The following MAF variants were observed in gnomAD, a reference collection of about 807,000 sequenced individuals.
MAF encodes the protein MAF bZIP transcription factor.
MAF carries 10 observed loss-of-function variants against 22.0 expected under a neutral mutation model. The ratio of observed to expected loss-of-function variants is 0.45; its 90% confidence interval spans 0.28 to 0.77. The LOEUF is 0.77. Ranked by LOEUF, MAF falls within the 30% of genes least tolerant of loss-of-function variation. MAF has a pLI of 0.12. For synonymous variants in MAF, 337 were observed against 255.8 expected (o/e 1.32, Z -3.03); for missense variants, 544 against 548.4 (o/e 0.99, Z 0.08).
chr16:79,252,680 G>A, the MAF span, among the ~76,000 whole-genome samples: 16 of 152,130 alleles, frequency 1.1e-4, no homozygotes, highest in East Asian at 2.9e-3. Flanking sequence ...AGTAGAGACA[G>A]GGTTTCACCA....
At chr16:79,328,468 G>A in the MAF span, among the ~76,000 whole-genome samples, 16 of 152,164 alleles carry the variant, frequency 1.1e-4, no homozygotes, top group African/African-American at 3.1e-4. Context: ...GTCACAGGGT[G>A]GGGCCCTTGC....
chr16:79,212,762 C>T, the MAF span: 1 of 151,918 alleles, frequency 6.6e-6, no homozygotes, highest in Non-Finnish European at 1.5e-5. Flanking sequence ...AAATAAAGCG[C>T]TTCTAATAAA....
chr16:79,548,711 G>A, the MAF span, among the ~76,000 whole-genome samples: 150,536 of 152,198 alleles, frequency 0.99, 74,475 homozygotes, highest in Middle Eastern at 1. Flanking sequence ...CAGGGAGGCA[G>A]TGCCCATTGA....
chr16:79,301,808 C>T, the MAF span, among the ~76,000 whole-genome samples: 2 of 152,204 alleles, frequency 1.3e-5, no homozygotes, highest in South Asian at 4.1e-4. Context: ...AGGCTTTACA[C>T]ACTTGCTGTT....
chr16:79,366,977 G>A, the MAF span, among the ~76,000 whole-genome samples: 1 of 152,126 alleles, frequency 6.6e-6, no homozygotes, highest in Non-Finnish European at 1.5e-5. Context: ...AATATTAGTT[G>A]CCATTGTTGT....
the MAF span, among the ~76,000 whole-genome samples, chr16:79,303,008 T>C: frequency 1.3e-5 from 2 of 152,356 alleles, no homozygotes; most frequent in Non-Finnish European, 2.9e-5. Flanking sequence ...CTTCTGACGG[T>C]ACCTTCCATA....
At chr16:79,372,789 A>G in the MAF span, among the ~76,000 whole-genome samples, 2 of 152,068 alleles carry the variant, frequency 1.3e-5, no homozygotes, top group African/African-American at 4.8e-5. Context: ...AACCTCCCCC[A>G]CTGGCTTCTC....
the MAF span, among the ~76,000 whole-genome samples, chr16:79,324,945 C>T: frequency 6.6e-6 from 1 of 152,078 alleles, no homozygotes; most frequent in African/African-American, 2.4e-5. Flanking sequence ...TGGTTTCTGG[C>T]AATCATTGGT....
At chr16:79,416,499 CA>C in the MAF span, among the ~76,000 whole-genome samples, 243 of 139,934 alleles carry the variant, frequency 1.7e-3, no homozygotes, top group Non-Finnish European at 2.0e-3. Context: ...GGTTAAATTG[CA>C]AAAAAAAAAA....
At chr16:79,402,965 C>A in the MAF span, among the ~76,000 whole-genome samples, 4 of 152,134 alleles carry the variant, frequency 2.6e-5, no homozygotes, top group Non-Finnish European at 5.9e-5. Flanking sequence ...CTTGCCCACC[C>A]ATGGTTACCC....
the MAF span, among the ~76,000 whole-genome samples, chr16:79,397,587 G>C: frequency 3.3e-5 from 5 of 152,194 alleles, no homozygotes; most frequent in African/African-American, 1.2e-4. Context: ...GATGATGACC[G>C]GCTGGATGTA....
the MAF span, among the ~76,000 whole-genome samples, chr16:79,459,802 G>A: frequency 6.6e-6 from 1 of 152,154 alleles, no homozygotes; most frequent in Admixed American, 6.5e-5. Flanking sequence ...GGACTCAAGT[G>A]ATCTGCCTGC....
At chr16:79,563,298 T>C in the MAF span, among the ~76,000 whole-genome samples, 2 of 152,224 alleles carry the variant, frequency 1.3e-5, no homozygotes, top group Non-Finnish European at 2.9e-5. Context: ...ACACTGGCAA[T>C]GTGGCCAGTG....
the MAF span, among the ~76,000 whole-genome samples, chr16:79,520,875 G>A: frequency 2.0e-5 from 3 of 152,158 alleles, no homozygotes; most frequent in Admixed American, 6.5e-5. Context: ...CTGGGACCCT[G>A]CTAAGTGCTT....
chr16:79,317,723 C>T, the MAF span, among the ~76,000 whole-genome samples: 2 of 152,182 alleles, frequency 1.3e-5, no homozygotes, highest in Non-Finnish European at 2.9e-5. Flanking sequence ...GCTGTCCTTG[C>T]CCCACATTCC....
chr16:79,508,351 T>C, the MAF span, among the ~76,000 whole-genome samples: 15 of 152,108 alleles, frequency 9.9e-5, no homozygotes, highest in African/African-American at 3.6e-4. Flanking sequence ...GAGTATTCAT[T>C]TCCCTGACTC....
chr16:79,214,804 C>A, the MAF span, among the ~76,000 whole-genome samples: 4 of 147,798 alleles, frequency 2.7e-5, no homozygotes, highest in Admixed American at 6.7e-5. Flanking sequence ...CCTCCCTCCC[C>A]GGTTCAAGCG....
the MAF span, among the ~76,000 whole-genome samples, chr16:79,381,027 C>A: frequency 1.3e-5 from 2 of 152,258 alleles, no homozygotes; most frequent in African/African-American, 4.8e-5. Context: ...CAGTCCTTTG[C>A]CCTGAAGGGC....
chr16:79,574,019 G>C, the MAF span, among the ~76,000 whole-genome samples: 4 of 152,310 alleles, frequency 2.6e-5, no homozygotes, highest in African/African-American at 7.2e-5. Flanking sequence ...ATCTGAGACA[G>C]CTACTATGTG....
Sources: gnomAD v4.1 joint callset for allele counts (sites outside exome capture counted in the v4.1 genomes callset) on GRCh38, gnomAD v4.1.1 for gene constraint, MANE v1.5 for transcripts, NCBI Gene and HGNC (gene_info 2026-07-23, HGNC 2026-07-21) for gene names.